Variants in SHQ1 observed in about 807,000 individuals in gnomAD.
The protein encoded by SHQ1 is SHQ1, H/ACA ribonucleoprotein assembly factor.
In SHQ1, 49 loss-of-function variants were observed where a neutral mutation model predicts 53.8. The ratio of observed to expected loss-of-function variants is 0.91; its 90% CI spans 0.72 to 1.16. The LOEUF (loss-of-function observed/expected upper bound fraction) is 1.16, where lower values mean the gene tolerates loss of function less well. SHQ1 is among the 50% of genes most tolerant of loss of function. The pLI, the probability that SHQ1 is intolerant of heterozygous loss-of-function variation, is 0.00. For missense variants in SHQ1, 738 were observed against 683.1 expected, an observed-to-expected ratio of 1.08 and a Z score of -0.90; for synonymous variants, 243 against 251.0, an observed-to-expected ratio of 0.97 and a Z score of 0.30.
chr3:72,833,832 G>GTCTTT (rs1707912319), intron 4 of SHQ1, among the ~76,000 whole-genome samples: 1 of 152,158 alleles, frequency 6.6e-6, no homozygotes, highest in African/African-American at 2.4e-5. Flanking sequence ...CTAAAATTGT[G>GTCTTT]TCTTTTTTTC....
chr3:72,769,394 C>G (rs144475552), intron 10 of SHQ1, among the ~76,000 whole-genome samples: 17 of 152,342 alleles, frequency 1.1e-4, no homozygotes, highest in African/African-American at 3.8e-4. Context: ...GCAACTTCTA[C>G]GTCTGCAGAC....
chr3:72,816,642 TGAA>T lies in SHQ1; in HGVS notation c.882+585_882+587del, dbSNP rs1448960126. Among the ~76,000 whole-genome samples the T allele has an allele frequency of 4.6e-5, 7 of 152,260 alleles. No individual in the cohort carries two copies. The South Asian group carries it at 1.0e-3, about 23-fold the overall frequency. On this transcript the variant is annotated intron_variant, in intron 7 of 10. Coordinates refer to ENST00000325599, the MANE Select transcript of SHQ1 (RefSeq NM_018130.3). ...AAAGTCTATATTATTTTTTAAAAGA[TGAA>T]GAAATAATTTACAAAAGGATTTACT...
At chr3:72,787,912 C>T (rs900184596) in intron 10 of SHQ1, among the ~76,000 whole-genome samples, 1 of 152,222 alleles carries the variant, frequency 6.6e-6, no homozygotes, top group African/African-American at 2.4e-5. Flanking sequence ...GACGGGGTTT[C>T]GCCGTGCTGG....
At chr3:72,777,592 T>G (rs1705984738) in intron 10 of SHQ1, among the ~76,000 whole-genome samples, 2 of 152,234 alleles carry the variant, frequency 1.3e-5, no homozygotes, top group African/African-American at 2.4e-5. Context: ...ACATTGCTGG[T>G]TAAAGTATAA....
intron 9 of SHQ1, among the ~76,000 whole-genome samples, chr3:72,807,097 G>C (rs1480771306): frequency 2.0e-5 from 3 of 152,150 alleles, no homozygotes; most frequent in Non-Finnish European, 4.4e-5. Flanking sequence ...AACTCATCAA[G>C]CAATTAACAA....
intron 10 of SHQ1, among the ~76,000 whole-genome samples, chr3:72,764,431 G>A (rs11922794): frequency 6.6e-6 from 1 of 152,008 alleles, no homozygotes; most frequent in African/African-American, 2.4e-5. Context: ...ACAAGTGGTC[G>A]TCTATAGAAA....
chr3:72,730,146 C>T, the SHQ1 span, among the ~76,000 whole-genome samples: 1 of 151,954 alleles, frequency 6.6e-6, no homozygotes, highest in East Asian at 1.9e-4. Context: ...GAGACAGGGT[C>T]TCACTGTTGC....
chr3:72,793,069 T>A, intron 9 of SHQ1, 33 bp from the exon 10 acceptor site: 1 of 1,563,182 alleles, frequency 6.4e-7, no homozygotes, highest in South Asian at 1.2e-5. Context: ...AAAATTATCC[T>A]TAAGAAAAAG....
chr3:72,742,542 A>C, the SHQ1 span, among the ~76,000 whole-genome samples: 1 of 152,144 alleles, frequency 6.6e-6, no homozygotes. Context: ...TCATGTTTCT[A>C]CAAAGAAAAA....
chr3:72,746,003 GGT>G (rs1705253412), downstream of SHQ1, among the ~76,000 whole-genome samples: 1 of 151,958 alleles, frequency 6.6e-6, no homozygotes, highest in Non-Finnish European at 1.5e-5. Context: ...ACCACCCCCA[GGT>G]AAGTTGTTTG....
chr3:72,844,676 T>C (rs879687250), intron 1 of SHQ1, among the ~76,000 whole-genome samples: 1 of 152,144 alleles, frequency 6.6e-6, no homozygotes, highest in Non-Finnish European at 1.5e-5. Context: ...AGAAAAGCCA[T>C]AATAAATAGT....
chr3:72,747,629 A>G (rs1705278458), downstream of SHQ1, among the ~76,000 whole-genome samples: 1 of 152,188 alleles, frequency 6.6e-6, no homozygotes, highest in Non-Finnish European at 1.5e-5. Context: ...GAGAGGAGAG[A>G]GCTGCACAGA....
chr3:72,796,101 C>CAAAAAAAAAAAAAAAAAAA (rs555086403), intron 9 of SHQ1, among the ~76,000 whole-genome samples: 2 of 40,530 alleles, frequency 4.9e-5, no homozygotes, highest in African/African-American at 7.2e-5. Context: ...GACTCCATCT[C>CAAAAAAAAAAAAAAAAAAA]AAAAAAAAAA....
chr3:72,750,566 T>C lies in SHQ1; in HGVS notation c.1452A>G (p.Pro484=). 1.9e-6 allele frequency: 3 copies of C among 1,614,244 alleles called. No individual in the cohort carries two copies. Among genetic ancestry groups the C allele is most frequent in the Non-Finnish European group, 2.5e-6 (3 of 1,180,042 alleles). Residue 484 remains proline (P), a synonymous_variant, in exon 11 of 11, where the codon CCA becomes CCG. Transcript: ENST00000325599. ...DSEQDELKDS[P]SETVSSLQGP... ...CTTGCAAAGAACTGACTGTCTCAGA[T>C]GGACTATCTTTGAGTTCATCTTGTT... is the stretch of plus-strand genomic sequence containing the variant.
At chr3:72,842,721 C>G (rs1405120109) in intron 2 of SHQ1, among the ~76,000 whole-genome samples, 1 of 152,124 alleles carries the variant, frequency 6.6e-6, no homozygotes. Flanking sequence ...TTGGTGAATA[C>G]AAGTCAAGAT....
chr3:72,794,593 C>T (rs1262715854), intron 9 of SHQ1: 1 of 152,196 alleles, frequency 6.6e-6, no homozygotes, highest in African/African-American at 2.4e-5. Context: ...CATCTCATGC[C>T]TCGATTTTAA....
the SHQ1 span, among the ~76,000 whole-genome samples, chr3:72,732,712 T>A: frequency 6.6e-6 from 1 of 151,560 alleles, no homozygotes; most frequent in African/African-American, 2.4e-5. Context: ...AGTCCCAGTC[T>A]GGGCCACTAC....
the SHQ1 span, among the ~76,000 whole-genome samples, chr3:72,729,288 G>A: frequency 6.6e-6 from 1 of 152,128 alleles, no homozygotes; most frequent in East Asian, 1.9e-4. Flanking sequence ...TGAGTCACAG[G>A]CCTCCGAACT....
chr3:72,842,313 A>T lies in SHQ1; in HGVS notation c.298T>A (p.Ser100Thr). 6.2e-7 allele frequency: 1 copy of T among 1,613,750 alleles called. No individual in the cohort carries two copies. The highest frequency in any genetic ancestry group is 8.5e-7 in the Non-Finnish European group (1 of 1,179,792). Reference sequence around the variant, plus strand: ...TCCACAAGTGGTTTTGCTGTCCTGGATTTTCTTGGTGCCAGAAGAGCAGTT... The same window carrying T: ...TCCACAAGTGGTTTTGCTGTCCTGGTTTTTCTTGGTGCCAGAAGAGCAGTT... ...MLTALLAPRK[S>T]RTAKPLVEEI... Residue 100 changes from serine to threonine, a missense_variant, in exon 3 of 11, where the codon TCC becomes ACC. Coordinates refer to ENST00000325599, the MANE Select transcript of SHQ1 (RefSeq NM_018130.3).
Sources: allele counts gnomAD v4.1 joint callset (sites outside exome capture counted in the v4.1 genomes callset), GRCh38; gene constraint gnomAD v4.1.1; transcripts MANE v1.5; gene names NCBI Gene and HGNC (gene_info 2026-07-23, HGNC 2026-07-21).